The following CBR4 variants were observed in gnomAD, a reference collection of about 807,000 sequenced individuals.
CBR4 encodes carbonyl reductase 4, also known as 3-oxoacyl-[acyl-carrier-protein] reductase.
In CBR4, 22 loss-of-function variants were observed where a neutral mutation model predicts 21.0. That is an observed-to-expected ratio of 1.05 (90% CI 0.75 to 1.50). The LOEUF (loss-of-function observed/expected upper bound fraction) is 1.50, where lower values mean the gene tolerates loss of function less well. Ranked by LOEUF, CBR4 falls within the 40% of genes most tolerant of loss-of-function variation. The pLI is 0.00. For missense variants in CBR4, 302 were observed against 286.3 expected (o/e 1.05, Z -0.40); for synonymous variants, 100 against 104.4 (o/e 0.96, Z 0.26).
chr4:168,898,822 T>C (rs900383594), intron 2 of CBR4: 2 of 781,820 alleles, frequency 2.6e-6, no homozygotes. Context: ...TCTTTCTCAA[T>C]ACCCACGATA....
chr4:168,934,591 G>A (rs1763059045), intron 2 of CBR4, among the ~76,000 whole-genome samples: 1 of 151,834 alleles, frequency 6.6e-6, no homozygotes, highest in African/African-American at 2.4e-5. Context: ...AGAGGAAATG[G>A]ATAAATTCCT....
chr4:168,941,440 A>G (rs771681470), intron 2 of CBR4, among the ~76,000 whole-genome samples: 3 of 152,204 alleles, frequency 2.0e-5, no homozygotes, highest in Non-Finnish European at 2.9e-5. Context: ...GACAAAATAA[A>G]GGACAAAAAC....
chr4:168,936,140 G>A (rs1763105752), intron 2 of CBR4, among the ~76,000 whole-genome samples: 1 of 152,230 alleles, frequency 6.6e-6, no homozygotes, highest in African/African-American at 2.4e-5. Context: ...CAGGTAAACA[G>A]GGTCTGGAGT....
At chr4:168,901,458 G>A (rs1257870742) in intron 2 of CBR4, among the ~76,000 whole-genome samples, 1 of 152,164 alleles carries the variant, frequency 6.6e-6, no homozygotes, top group Non-Finnish European at 1.5e-5. Context: ...AAGTATAATG[G>A]AGGTGAAAAA....
chr4:168,911,832 AGT>A (rs1759026768), intron 2 of CBR4, among the ~76,000 whole-genome samples: 1 of 152,218 alleles, frequency 6.6e-6, no homozygotes. Flanking sequence ...CAGGAAACAC[AGT>A]GTTTTAACTA....
intron 2 of CBR4, among the ~76,000 whole-genome samples, chr4:168,931,023 T>C (rs1202838396): frequency 6.6e-6 from 1 of 152,118 alleles, no homozygotes; most frequent in Non-Finnish European, 1.5e-5. Flanking sequence ...CAAGCACACA[T>C]GGGTGGCTGC....
At chr4:168,916,917 C>G (rs1370587403) in intron 2 of CBR4, among the ~76,000 whole-genome samples, 1 of 151,944 alleles carries the variant, frequency 6.6e-6, no homozygotes, top group Non-Finnish European at 1.5e-5. Flanking sequence ...GATCCGCCCA[C>G]CTCAGCCTCC....
At chr4:168,899,104 T>C (rs1755889296) in intron 2 of CBR4, among the ~76,000 whole-genome samples, 2 of 152,126 alleles carry the variant, frequency 1.3e-5, no homozygotes, top group South Asian at 2.1e-4. Flanking sequence ...AGACAAGTAA[T>C]GCTCACCACT....
At chr4:168,987,524 T>C (rs1764730332), downstream of CBR4, 1 of 491,576 alleles carries the variant, frequency 2.0e-6, no homozygotes, top group Non-Finnish European at 2.6e-6. Context: ...TACAATTGAA[T>C]TGAAAGACAA....
intron 3 of CBR4, among the ~76,000 whole-genome samples, chr4:169,005,715 C>T (rs765742800): frequency 3.3e-5 from 5 of 152,194 alleles, no homozygotes; most frequent in Non-Finnish European, 7.3e-5. Context: ...TAATCTCTTA[C>T]ATAAGAAAAC....
intron 2 of CBR4, among the ~76,000 whole-genome samples, chr4:168,925,741 T>G (rs180868082): frequency 7.9e-5 from 12 of 152,254 alleles, no homozygotes; most frequent in Admixed American, 7.2e-4. Flanking sequence ...AGATTTTGCC[T>G]CTTCTTGAAA....
chr4:168,932,404 GAATA>G (rs560760625), intron 2 of CBR4, among the ~76,000 whole-genome samples: 191 of 151,678 alleles, frequency 1.3e-3, no homozygotes, highest in African/African-American at 4.1e-3. Flanking sequence ...AAAAAAAAAA[GAATA>G]AAGAAAGCCT....
At chr4:168,995,298 A>T (rs1046905281) in intron 4 of CBR4, among the ~76,000 whole-genome samples, 1 of 152,164 alleles carries the variant, frequency 6.6e-6, no homozygotes, top group African/African-American at 2.4e-5. Context: ...TTCTGGGTGG[A>T]TGTTAGTTCT....
chr4:168,898,106 C>T, intron 2 of CBR4: 1 of 282,114 alleles, frequency 3.5e-6, no homozygotes, highest in Non-Finnish European at 6.9e-6. Flanking sequence ...ATGTACCACC[C>T]TGCATCAGCT....
chr4:168,900,968 T>C (rs1224358894), intron 2 of CBR4, among the ~76,000 whole-genome samples: 2 of 152,224 alleles, frequency 1.3e-5, no homozygotes, highest in African/African-American at 4.8e-5. Context: ...TTGATTCTTA[T>C]AGAATACTAC....
intron 2 of CBR4, among the ~76,000 whole-genome samples, chr4:168,934,394 C>A (rs2126662380): frequency 7.3e-6 from 1 of 137,090 alleles, no homozygotes; most frequent in East Asian, 2.3e-4. Context: ...TACAAAAGAT[C>A]AACAAAAAGT....
At chr4:168,899,505 C>A (rs1755986561) in intron 2 of CBR4, among the ~76,000 whole-genome samples, 1 of 152,048 alleles carries the variant, frequency 6.6e-6, no homozygotes, top group Non-Finnish European at 1.5e-5. Flanking sequence ...TTCTTAGAAG[C>A]AAGCAAAAAG....
At chr4:168,925,657 A>G (rs541471301) in intron 2 of CBR4, among the ~76,000 whole-genome samples, 1 of 152,336 alleles carries the variant, frequency 6.6e-6, no homozygotes, top group East Asian at 1.9e-4. Flanking sequence ...GTCTAGTACA[A>G]TCAGCATTAT....
chr4:168,949,695 C>T (rs9992984), intron 2 of CBR4, among the ~76,000 whole-genome samples: 1,729 of 152,192 alleles, frequency 0.011, 48 homozygotes, highest in African/African-American at 0.039. Flanking sequence ...AGGATTGGTA[C>T]CAATTCTTCT....
Sources: gnomAD v4.1 joint callset for allele counts (sites outside exome capture counted in the v4.1 genomes callset) on GRCh38, gnomAD v4.1.1 for gene constraint, MANE v1.5 for transcripts, NCBI Gene and HGNC (gene_info 2026-07-23, HGNC 2026-07-21) for gene names.